PBX3: variants seen among roughly 807,000 people sequenced by gnomAD.
The protein encoded by PBX3 is PBX homeobox 3, also known as pre-B-cell leukemia transcription factor 3.
In PBX3, 14 loss-of-function variants were observed where a neutral mutation model predicts 48.5. That is an observed-to-expected ratio of 0.29 (90% CI 0.19 to 0.45). The LOEUF is 0.45. PBX3 is among the 20% of genes least tolerant of loss of function. The pLI, the probability that PBX3 is intolerant of heterozygous loss-of-function variation, is 1.00. For synonymous variants in PBX3, 210 were observed against 200.3 expected (o/e 1.05, Z -0.41); for missense variants, 386 against 546.7 (o/e 0.71, Z 2.93).
chr9:125,886,674 T>A (rs1484008432), intron 2 of PBX3, among the ~76,000 whole-genome samples: 1 of 152,174 alleles, frequency 6.6e-6, no homozygotes, highest in Admixed American at 6.5e-5. Flanking sequence ...CCTTTTCTCA[T>A]TAAGTATTTA....
chr9:125,874,328 A>G (rs1430589950), intron 2 of PBX3, among the ~76,000 whole-genome samples: 1 of 152,192 alleles, frequency 6.6e-6, no homozygotes, highest in East Asian at 1.9e-4. Context: ...GTACTCTAAA[A>G]CTAATTATAT....
At chr9:125,829,845 C>G (rs1588193369) in intron 2 of PBX3, among the ~76,000 whole-genome samples, 1 of 152,184 alleles carries the variant, frequency 6.6e-6, no homozygotes, top group Non-Finnish European at 1.5e-5. Flanking sequence ...GATGCCTGGC[C>G]AAGCATCCCT....
chr9:125,752,009 C>A (rs1363115895), intron 2 of PBX3, among the ~76,000 whole-genome samples: 6 of 152,022 alleles, frequency 3.9e-5, no homozygotes, highest in African/African-American at 2.4e-5. Context: ...TAAATGAAAT[C>A]CCACATTTTA....
chr9:125,902,549 A>G (rs983041494), intron 2 of PBX3, among the ~76,000 whole-genome samples: 1 of 151,724 alleles, frequency 6.6e-6, no homozygotes, highest in Non-Finnish European at 1.5e-5. Context: ...TTTAATTTGT[A>G]GTATCACTAA....
chr9:125,756,444 T>G (rs935868522), intron 2 of PBX3, among the ~76,000 whole-genome samples: 20 of 152,158 alleles, frequency 1.3e-4, no homozygotes, highest in Admixed American at 5.2e-4. Context: ...TACTCAAACA[T>G]GGAACTTCTA....
At chr9:125,917,420 C>T (rs1841358631) in intron 3 of PBX3, among the ~76,000 whole-genome samples, 1 of 152,126 alleles carries the variant, frequency 6.6e-6, no homozygotes, top group South Asian at 2.1e-4. Context: ...AGGGTTCACT[C>T]TTGGTATTGT....
chr9:125,816,198 A>G (rs1838457214), intron 2 of PBX3, among the ~76,000 whole-genome samples: 1 of 151,988 alleles, frequency 6.6e-6, no homozygotes, highest in Non-Finnish European at 1.5e-5. Context: ...GGGTTTTGCC[A>G]TGTTGCCCAG....
At chr9:125,901,546 T>C (rs1840946495) in intron 2 of PBX3, among the ~76,000 whole-genome samples, 1 of 151,690 alleles carries the variant, frequency 6.6e-6, no homozygotes, top group Admixed American at 6.6e-5. Context: ...ACTGTGCATA[T>C]AGTGGGTACT....
intron 2 of PBX3, among the ~76,000 whole-genome samples, chr9:125,828,140 A>G (rs1007584874): frequency 3.9e-5 from 6 of 152,110 alleles, no homozygotes; most frequent in African/African-American, 1.4e-4. Flanking sequence ...ACTTTGAATT[A>G]TTAGTAAACC....
chr9:125,965,986 A>G lies in PBX3; in HGVS notation c.*63A>G. 1 of 1,243,074 alleles carries G rather than the reference A, an allele frequency of 8.0e-7. No individual in the cohort carries two copies. Among genetic ancestry groups the G allele is most frequent in the Non-Finnish European group, 1.2e-6 (1 of 852,666 alleles). 77.0% of individuals were successfully genotyped at this position (1,243,074 alleles called of 1,614,324 possible). A position where few individuals can be genotyped will look rare whatever the true frequency, so the allele number is the denominator to read the frequency against. Reference sequence around the variant, plus strand: ...TAAGTGCATTCAGAGCAATAGGAGGAAAAGGAAAGCGTTTTTGTAGCCCAC... The same window carrying G: ...TAAGTGCATTCAGAGCAATAGGAGGGAAAGGAAAGCGTTTTTGTAGCCCAC... On this transcript the variant is annotated 3_prime_UTR_variant, in exon 9 of 9. Coordinates refer to ENST00000373489, the MANE Select transcript of PBX3 (RefSeq NM_006195.6).
chr9:125,856,245 G>T (rs1489271890), intron 2 of PBX3, among the ~76,000 whole-genome samples: 1 of 152,060 alleles, frequency 6.6e-6, no homozygotes. Flanking sequence ...CCCAAGTGGG[G>T]CCTCTTTTTG....
chr9:125,756,629 C>G (rs190961779), intron 2 of PBX3, among the ~76,000 whole-genome samples: 5 of 152,290 alleles, frequency 3.3e-5, no homozygotes, highest in Admixed American at 2.6e-4. Context: ...ATCTTCTCTT[C>G]AGAGCCATGT....
chr9:125,780,664 G>T (rs1484923333), intron 2 of PBX3, among the ~76,000 whole-genome samples: 5 of 131,910 alleles, frequency 3.8e-5, no homozygotes, highest in Admixed American at 2.2e-4. Context: ...CCTCCCTCCC[G>T]GATGGGGCGG....
intron 5 of PBX3, among the ~76,000 whole-genome samples, chr9:125,942,468 TGTAA>T (rs766142479): frequency 6.6e-6 from 1 of 152,206 alleles, no homozygotes; most frequent in Non-Finnish European, 1.5e-5. Context: ...AATTAAAATT[TGTAA>T]GTAAGATTTC....
At chr9:125,801,672 T>A (rs1837949259) in intron 2 of PBX3, among the ~76,000 whole-genome samples, 3 of 152,118 alleles carry the variant, frequency 2.0e-5, no homozygotes, top group Admixed American at 6.5e-5. Context: ...ATTCCATCTT[T>A]TTGTATTTGA....
rs60068482 is a variant in PBX3 at position 125,800,750 on chromosome 9, A to ATTTTTTT, written c.274+52141_274+52147dup. Among the ~76,000 whole-genome samples, 5 of 133,118 alleles carry ATTTTTTT rather than the reference A, an allele frequency of 3.8e-5. No homozygotes were observed. The East Asian group carries it at 1.1e-3, about 30-fold the overall frequency. 87.3% of individuals were successfully genotyped at this position (133,118 alleles called of 152,430 possible). On this transcript the variant is annotated intron_variant, in intron 2 of 8. Transcript: ENST00000373489. Reference sequence around the variant, plus strand: ...ACACTAATCTGAGCGCTTGGAATTAATTTTTTTTTTTTTTTTTTTTGAGAC... The same window carrying ATTTTTTT: ...ACACTAATCTGAGCGCTTGGAATTAATTTTTTTTTTTTTTTTTTTTTTTTTTTGAGAC...
chr9:125,852,456 A>G (rs948586550), intron 2 of PBX3, among the ~76,000 whole-genome samples: 3 of 152,088 alleles, frequency 2.0e-5, no homozygotes, highest in Non-Finnish European at 4.4e-5. Context: ...TACATTCTTC[A>G]TGTTAACTGA....
chr9:125,909,377 C>T (rs1841150552), intron 2 of PBX3, among the ~76,000 whole-genome samples: 1 of 152,150 alleles, frequency 6.6e-6, no homozygotes, highest in Non-Finnish European at 1.5e-5. Context: ...AGAATGAACA[C>T]ACCTTCCTGT....
intron 2 of PBX3, among the ~76,000 whole-genome samples, chr9:125,779,679 A>G (rs1177883495): frequency 7.2e-6 from 1 of 138,974 alleles, no homozygotes; most frequent in Non-Finnish European, 1.5e-5. Flanking sequence ...AGACACAGCA[A>G]CCATCCGATT....
Sources: allele counts gnomAD v4.1 joint callset (sites outside exome capture counted in the v4.1 genomes callset), GRCh38; gene constraint gnomAD v4.1.1; transcripts MANE v1.5; gene names NCBI Gene and HGNC (gene_info 2026-07-23, HGNC 2026-07-21).